DISC1: variants seen among roughly 807,000 people sequenced by gnomAD.
The protein encoded by DISC1 is disrupted in schizophrenia 1 protein.
A neutral mutation model predicts 84.5 loss-of-function variants in DISC1; 57 were observed. The ratio of observed to expected loss-of-function variants is 0.67; its 90% confidence interval spans 0.55 to 0.84. The LOEUF (loss-of-function observed/expected upper bound fraction) is 0.84, where lower values mean the gene tolerates loss of function less well. DISC1 is among the 40% of genes least tolerant of loss of function. The probability of loss-of-function intolerance (pLI) is 0.00; values close to 1 mark genes in which losing one functional copy is unlikely to be tolerated. For missense variants in DISC1, 1,000 were observed against 1,057.8 expected (o/e 0.95, Z 0.76); for synonymous variants, 411 against 415.2 (o/e 0.99, Z 0.12).
intron 9 of DISC1, among the ~76,000 whole-genome samples, chr1:231,882,083 G>A (rs1283337216): frequency 6.6e-6 from 1 of 152,180 alleles, no homozygotes; most frequent in Non-Finnish European, 1.5e-5. Context: ...AGGAGGACTT[G>A]GCTCTTCTTT....
At chr1:231,855,180 A>G (rs2084181977) in intron 9 of DISC1, 1 of 1,012,060 alleles carries the variant, frequency 9.9e-7, no homozygotes, top group South Asian at 3.9e-5. Context: ...TAAATTTGTG[A>G]ATGACACTTT....
At chr1:231,722,588 C>G (rs2125112371) in intron 3 of DISC1, 2 of 1,614,196 alleles carry the variant, frequency 1.2e-6, no homozygotes, top group East Asian at 4.5e-5. Context: ...CATCCTGAAC[C>G]AAACTCCTAT....
chr1:231,964,827 A>G (rs1660880999), intron 10 of DISC1, among the ~76,000 whole-genome samples: 1 of 152,256 alleles, frequency 6.6e-6, no homozygotes, highest in African/African-American at 2.4e-5. Flanking sequence ...CCATTAAAGA[A>G]GATGAAAATC....
At chr1:232,013,689 G>C (rs1296798600) in intron 11 of DISC1, among the ~76,000 whole-genome samples, 4 of 152,290 alleles carry the variant, frequency 2.6e-5, no homozygotes, top group Middle Eastern at 3.4e-3. Context: ...GTTATAGACT[G>C]GGGGGTGAGC....
Position 231,675,041 on chromosome 1 carries a change from G to A in DISC1, c.68-18785G>A, listed in dbSNP as rs560080357. On this transcript the variant is annotated intron_variant, in intron 1 of 12. Coordinates refer to ENST00000439617, the MANE Select transcript of DISC1 (RefSeq NM_018662.3). This position sits in a 1 kb window ranked among gnomAD's most constrained non-coding sequence, Gnocchi z 4.1. ...CCACAAGCATAATCTCTGAATTGGTGGATTTAAAACAAAGTTGATGAGAGA... is the reference window on the plus strand; with the variant it reads ...CCACAAGCATAATCTCTGAATTGGTAGATTTAAAACAAAGTTGATGAGAGA... Among the ~76,000 whole-genome samples, 2 of 152,246 alleles carry A rather than the reference G, an allele frequency of 1.3e-5. No homozygotes were observed. The highest frequency in any genetic ancestry group is 1.3e-4 in the Admixed American group (2 of 15,284).
At chr1:231,947,225 A>C (rs1657418208) in intron 9 of DISC1, among the ~76,000 whole-genome samples, 1 of 148,544 alleles carries the variant, frequency 6.7e-6, no homozygotes, top group African/African-American at 2.4e-5. Context: ...GCTTACAGTA[A>C]CCAAAACAGC....
rs1261614109 is a variant in DISC1, at chr1:232,039,805, G to A, written c.*2974G>A. ...GCGATAGCCAAGACCACAAGCAAAAGCACATACTGGAAATGATGAGTTAGA... is the reference window on the plus strand; with the variant it reads ...GCGATAGCCAAGACCACAAGCAAAAACACATACTGGAAATGATGAGTTAGA... On this transcript the variant is annotated 3_prime_UTR_variant, in exon 13 of 13. Coordinates refer to ENST00000439617, the MANE Select transcript of DISC1 (RefSeq NM_018662.3). 5 of 152,096 alleles carry A rather than the reference G, an allele frequency of 3.3e-5. No homozygotes were observed. The highest frequency in any genetic ancestry group is 2.6e-4 in the Admixed American group (4 of 15,278). The allele number at this position is 152,096 out of a possible 1,614,324, so 9.4% of individuals were successfully genotyped here. A position where few individuals can be genotyped will look rare whatever the true frequency, so the allele number is the denominator to read the frequency against.
At chr1:232,010,029 G>C (rs1231491009) in intron 11 of DISC1, among the ~76,000 whole-genome samples, 1 of 152,206 alleles carries the variant, frequency 6.6e-6, no homozygotes, top group East Asian at 1.9e-4. Context: ...GGCCTTCAGA[G>C]AGCAGACATT....
chr1:231,651,251 T>G (rs1329243686), intron 1 of DISC1, among the ~76,000 whole-genome samples: 1 of 152,200 alleles, frequency 6.6e-6, no homozygotes, highest in Admixed American at 6.5e-5. Context: ...GGGGTTTTGG[T>G]GTGGATGTCC....
chr1:231,948,861 A>ATTTTTTTTTTTT (rs58931988), intron 9 of DISC1, among the ~76,000 whole-genome samples: 2 of 94,468 alleles, frequency 2.1e-5, no homozygotes, highest in East Asian at 3.8e-4. Context: ...TCCTGTGTTA[A>ATTTTTTTTTTTT]TTTTTTTTTT....
intron 1 of DISC1, among the ~76,000 whole-genome samples, chr1:231,633,350 A>G (rs893044160): frequency 2.6e-5 from 4 of 152,188 alleles, no homozygotes; most frequent in African/African-American, 9.7e-5. Context: ...GGAAGTATGT[A>G]GGGCAGTGTG....
chr1:231,740,460 C>T (rs190931003), intron 3 of DISC1, among the ~76,000 whole-genome samples: 2 of 152,286 alleles, frequency 1.3e-5, no homozygotes, highest in East Asian at 3.9e-4. Context: ...CCCCACATGA[C>T]TCAGGAGCAG....
chr1:231,866,731 A>G (rs1396632463), intron 9 of DISC1: 17 of 1,349,722 alleles, frequency 1.3e-5, no homozygotes, highest in Non-Finnish European at 1.6e-5. Flanking sequence ...TCGACTTTCT[A>G]GTCGTCGTGC....
chr1:231,779,546 C>G (rs1375727766), intron 6 of DISC1, among the ~76,000 whole-genome samples: 1 of 91,528 alleles, frequency 1.1e-5, no homozygotes, highest in African/African-American at 4.2e-5. Context: ...TCAACCTATT[C>G]TTGTTTTTTT....
At chr1:231,629,382 G>A (rs2058522842) in intron 1 of DISC1, 1 of 153,156 alleles carries the variant, frequency 6.5e-6, no homozygotes, top group African/African-American at 2.4e-5. Context: ...TTTTCTGCAG[G>A]AAGTTCATTG....
chr1:231,908,926 G>T (rs901440695), intron 9 of DISC1, among the ~76,000 whole-genome samples: 1 of 152,084 alleles, frequency 6.6e-6, no homozygotes, highest in African/African-American at 2.4e-5. Context: ...TATTCTCTTT[G>T]TAGCAATTGT....
At chr1:231,704,211 C>T (rs2066745554) in intron 3 of DISC1, among the ~76,000 whole-genome samples, 2 of 152,130 alleles carry the variant, frequency 1.3e-5, no homozygotes, top group Non-Finnish European at 2.9e-5. Context: ...AAATGACTTG[C>T]CCTCTGAATG....
intron 10 of DISC1, among the ~76,000 whole-genome samples, chr1:231,996,254 T>C (rs886224600): frequency 1.2e-4 from 19 of 152,178 alleles, no homozygotes; most frequent in Non-Finnish European, 2.1e-4. Context: ...ATTTGTCAGA[T>C]GAGTAGGTTG....
intron 11 of DISC1, among the ~76,000 whole-genome samples, chr1:232,011,923 G>GGCA (rs1668052402): frequency 1.3e-5 from 2 of 152,128 alleles, no homozygotes; most frequent in Non-Finnish European, 2.9e-5. Flanking sequence ...GTGATCCTCA[G>GGCA]TTAGGCCTCT....
Sources: gnomAD v4.1 joint callset for allele counts (sites outside exome capture counted in the v4.1 genomes callset) on GRCh38, gnomAD v4.1.1 for gene constraint, Gnocchi (gnomAD v3.1) non-coding constraint, MANE v1.5 for transcripts, NCBI Gene and HGNC (gene_info 2026-07-23, HGNC 2026-07-21) for gene names.